RPS6KA5: variants seen among roughly 807,000 people sequenced by gnomAD.
RPS6KA5 encodes the protein ribosomal protein S6 kinase alpha-5.
A neutral mutation model predicts 85.5 loss-of-function variants in RPS6KA5; 27 were observed. The observed-to-expected ratio is 0.32, with a 90% confidence interval of 0.23 to 0.44. The LOEUF (loss-of-function observed/expected upper bound fraction) is 0.44, where lower values mean the gene tolerates loss of function less well. Among genes scored for constraint, RPS6KA5 ranks in the 20% least tolerant of loss-of-function variants. The pLI, the probability that RPS6KA5 is intolerant of heterozygous loss-of-function variation, is 1.00. For synonymous variants in RPS6KA5, 334 were observed against 348.2 expected, an observed-to-expected ratio of 0.96 and a Z score of 0.46; for missense variants, 811 against 980.9, an observed-to-expected ratio of 0.83 and a Z score of 2.31.
rs2032140492 is a variant in RPS6KA5, at chr14:90,853,828, T to C, written c.*18246A>G. The C allele has an allele frequency of 6.6e-6, 1 of 152,220 alleles. No homozygotes were observed. The highest frequency in any genetic ancestry group is 1.5e-5 in the Non-Finnish European group (1 of 68,042). 9.4% of individuals were successfully genotyped at this position (152,220 alleles called of 1,614,324 possible). A position where few individuals can be genotyped will look rare whatever the true frequency, so the allele number is the denominator to read the frequency against. ...GGTCTTTAGGAAATCAATGTGGTGTTACTAGTTTATGTGTATCCCATTATT... is the reference window on the plus strand; with the variant it reads ...GGTCTTTAGGAAATCAATGTGGTGTCACTAGTTTATGTGTATCCCATTATT... On this transcript the variant is annotated 3_prime_UTR_variant, in exon 17 of 17. Coordinates refer to ENST00000614987, the MANE Select transcript of RPS6KA5 (RefSeq NM_004755.4).
At chr14:90,987,114 T>A (rs2040087758) in intron 2 of RPS6KA5, among the ~76,000 whole-genome samples, 1 of 152,210 alleles carries the variant, frequency 6.6e-6, no homozygotes, top group African/African-American at 2.4e-5. Context: ...CTCTAAGACT[T>A]ACATAAACAT....
intron 1 of RPS6KA5, among the ~76,000 whole-genome samples, chr14:91,020,614 T>TTTTGTG (rs761685247): frequency 1.5e-4 from 14 of 91,326 alleles, no homozygotes; most frequent in East Asian, 7.4e-4. Flanking sequence ...ATATATCCTA[T>TTTTGTG]TGTGTGTGTG....
intron 1 of RPS6KA5, among the ~76,000 whole-genome samples, chr14:91,005,391 G>A (rs1276311643): frequency 6.6e-6 from 1 of 152,178 alleles, no homozygotes; most frequent in Non-Finnish European, 1.5e-5. Context: ...GCAACCACAT[G>A]TTTTTGTTGT....
chr14:90,926,866 T>C (rs1200055860), intron 5 of RPS6KA5, among the ~76,000 whole-genome samples: 1 of 151,768 alleles, frequency 6.6e-6, no homozygotes, highest in East Asian at 1.9e-4. Context: ...AAATTGAACT[T>C]GAAAGAAAAA....
At chr14:90,906,327 A>G in intron 7 of RPS6KA5, 28 bp from the exon 8 acceptor site, 1 of 1,539,788 alleles carries the variant, frequency 6.5e-7, no homozygotes, top group Non-Finnish European at 8.8e-7. Context: ...TTGCTGTTAA[A>G]ACAAACAGGA....
At chr14:91,017,156 C>T (rs2041538420) in intron 1 of RPS6KA5, among the ~76,000 whole-genome samples, 1 of 152,182 alleles carries the variant, frequency 6.6e-6, no homozygotes, top group Admixed American at 6.5e-5. Context: ...GCCAATCTGC[C>T]AGCAGCAGAG....
chr14:91,056,158 C>T (rs1398390468), intron 1 of RPS6KA5, among the ~76,000 whole-genome samples: 1 of 152,206 alleles, frequency 6.6e-6, no homozygotes, highest in African/African-American at 2.4e-5. Flanking sequence ...TAATTTGTTA[C>T]ACCACAATAC....
intron 7 of RPS6KA5, among the ~76,000 whole-genome samples, chr14:90,914,190 T>C (rs1391156108): frequency 1.3e-5 from 2 of 151,612 alleles, no homozygotes; most frequent in Non-Finnish European, 2.9e-5. Flanking sequence ...TGCAGCATCA[T>C]CAGGGAAACA....
chr14:90,858,263 T>G lies in RPS6KA5; in HGVS notation c.*13811A>C, dbSNP rs905644191. 3.3e-5 allele frequency: 5 copies of G among 152,152 alleles called. No homozygotes were observed. Among genetic ancestry groups the G allele is most frequent in the Non-Finnish European group, 7.4e-5 (5 of 68,020 alleles). 9.4% of individuals were successfully genotyped at this position (152,152 alleles called of 1,614,324 possible). A position where few individuals can be genotyped will look rare whatever the true frequency, so the allele number is the denominator to read the frequency against. On this transcript the variant is annotated 3_prime_UTR_variant, in exon 17 of 17. Coordinates refer to ENST00000614987, the MANE Select transcript of RPS6KA5 (RefSeq NM_004755.4). ...TATAAAAACTGTTCTTGATGTTATT[T>G]CTAAACAGATCTAGTATCAGAAGCA...
chr14:91,002,277 T>C (rs981643137), intron 1 of RPS6KA5, among the ~76,000 whole-genome samples: 4 of 152,156 alleles, frequency 2.6e-5, no homozygotes, highest in Non-Finnish European at 5.9e-5. Flanking sequence ...TAAATAAATA[T>C]AGCTATGAAC....
rs1366319175 is a variant in RPS6KA5, at chr14:91,046,251, A to G, written c.103+14081T>C. The stretch of plus-strand genomic sequence containing the variant: ...CCCAGCATCTAGTGCAGTGCCAGAC[A>G]CACAGTAGGAATTCAATAAACCCTT... On this transcript the variant is annotated intron_variant, in intron 1 of 16. Coordinates refer to ENST00000614987, the MANE Select transcript of RPS6KA5 (RefSeq NM_004755.4). Among the ~76,000 whole-genome samples, 4 of 152,334 alleles carry G rather than the reference A, an allele frequency of 2.6e-5. No individual in the cohort carries two copies. The East Asian group carries it at 7.7e-4, about 29-fold the overall frequency.
intron 1 of RPS6KA5, among the ~76,000 whole-genome samples, chr14:91,014,077 T>C (rs933934537): frequency 6.6e-6 from 1 of 152,222 alleles, no homozygotes; most frequent in Non-Finnish European, 1.5e-5. Flanking sequence ...ATGTTGTGCA[T>C]GAACTGTTAG....
chr14:90,984,374 A>C (rs2039969719), intron 2 of RPS6KA5, among the ~76,000 whole-genome samples: 1 of 152,208 alleles, frequency 6.6e-6, no homozygotes, highest in Non-Finnish European at 1.5e-5. Context: ...CTGAAAACCT[A>C]TGTGCTCTTT....
At chr14:90,890,453 A>G (rs756685541) in intron 14 of RPS6KA5, 34 bp downstream of exon 14, 1 of 1,530,838 alleles carries the variant, frequency 6.5e-7, no homozygotes, top group Non-Finnish European at 8.8e-7. Context: ...CAAAGAAATA[A>G]GCAGGTTTAA....
At chr14:90,893,174 A>C (rs1263951933) in intron 13 of RPS6KA5, among the ~76,000 whole-genome samples, 1 of 152,228 alleles carries the variant, frequency 6.6e-6, no homozygotes, top group Admixed American at 6.5e-5. Flanking sequence ...TTGTCTATCA[A>C]GAAAACATTT....
chr14:91,050,288 G>C (rs12437197), intron 1 of RPS6KA5, among the ~76,000 whole-genome samples: 2,015 of 152,296 alleles, frequency 0.013, 44 homozygotes, highest in African/African-American at 0.046. Flanking sequence ...GGCTGAGGCA[G>C]AAGGTTCACT....
Position 90,907,975 on chromosome 14 carries a change from T to C in RPS6KA5, c.807-1676A>G, listed in dbSNP as rs944858429. 2.6e-5 allele frequency among the ~76,000 whole-genome samples: 4 copies of C among 152,340 alleles called. No homozygotes were observed. The East Asian group carries it at 7.7e-4, about 29-fold the overall frequency. On this transcript the variant is annotated intron_variant, in intron 7 of 16. Transcript: ENST00000614987. ...GATAAGCAAATTGTGACATTTACTT[T>C]TGTTGAATTAGGGTAGAAATATATG...
At chr14:90,956,971 T>G (rs867595641) in intron 3 of RPS6KA5, among the ~76,000 whole-genome samples, 3,111 of 149,800 alleles carry the variant, frequency 0.021, 45 homozygotes, top group Middle Eastern at 0.035. Flanking sequence ...TCTGTTTTTT[T>G]TTTTTTTTTT....
chr14:90,927,706 A>G (rs929673698), intron 5 of RPS6KA5, among the ~76,000 whole-genome samples: 11 of 152,100 alleles, frequency 7.2e-5, no homozygotes, highest in Non-Finnish European at 1.2e-4. Context: ...AAAAATATAT[A>G]AAATAAAAAT....
Sources: gnomAD v4.1 joint callset for allele counts (sites outside exome capture counted in the v4.1 genomes callset) on GRCh38, gnomAD v4.1.1 for gene constraint, MANE v1.5 for transcripts, NCBI Gene and HGNC (gene_info 2026-07-23, HGNC 2026-07-21) for gene names.